Variants in TPTE2 observed in about 807,000 individuals in gnomAD.
TPTE2 encodes the protein phosphatidylinositol 3,4,5-trisphosphate 3-phosphatase TPTE2.
In TPTE2, 53 loss-of-function variants were observed where a neutral mutation model predicts 78.6. The observed-to-expected ratio is 0.67, with a 90% CI of 0.54 to 0.85. The LOEUF (loss-of-function observed/expected upper bound fraction) is 0.85, where lower values mean the gene tolerates loss of function less well. Among genes scored for constraint, TPTE2 ranks in the 40% least tolerant of loss-of-function variants. The pLI is 0.00. For missense variants in TPTE2, 461 were observed against 623.0 expected (o/e 0.74, Z 2.77); for synonymous variants, 175 against 206.2 (o/e 0.85, Z 1.30).
chr13:19,441,743 A>C (rs188560277), intron 13 of TPTE2, among the ~76,000 whole-genome samples: 210 of 152,346 alleles, frequency 1.4e-3, no homozygotes, highest in Non-Finnish European at 2.5e-3. Context: ...TAAAGCCTGG[A>C]ATTAAACAAA....
At chr13:19,469,109 T>C (rs1402540108) in intron 6 of TPTE2, among the ~76,000 whole-genome samples, 1 of 152,204 alleles carries the variant, frequency 6.6e-6, no homozygotes, top group Non-Finnish European at 1.5e-5. Context: ...ACCAATGTCC[T>C]GGAGATTCTT....
At position 19,476,238 on chromosome 13, in the gene TPTE2, A is replaced by T. The variant is rs1593382148; in HGVS notation, c.180-615T>A. On this transcript the variant is annotated intron_variant, in intron 4 of 19. Coordinates refer to ENST00000400230, the Ensembl canonical transcript of TPTE2. The stretch of plus-strand genomic sequence containing the variant: ...CCTTCCATTAATCAAAGGAAGGAGA[A>T]CCTGTTTGATAGAGCCTCCAATAAT... 5.3e-5 allele frequency among the ~76,000 whole-genome samples: 8 copies of T among 151,994 alleles called. No homozygotes were observed. The South Asian group carries it at 1.7e-3, about 32-fold the overall frequency.
At chr13:19,494,778 G>A (rs568387688) in intron 1 of TPTE2, among the ~76,000 whole-genome samples, 10 of 152,212 alleles carry the variant, frequency 6.6e-5, no homozygotes, top group South Asian at 2.1e-4. Context: ...CAGGGCATTC[G>A]GATCAGGACT....
At chr13:19,529,544 A>G (rs1870737367) in intron 1 of TPTE2, among the ~76,000 whole-genome samples, 2 of 152,192 alleles carry the variant, frequency 1.3e-5, no homozygotes, top group African/African-American at 4.8e-5. Context: ...TCGAACTCAG[A>G]AACTTCATTT....
chr13:19,469,539 TG>T (rs1879481416), intron 6 of TPTE2, among the ~76,000 whole-genome samples: 1 of 152,192 alleles, frequency 6.6e-6, no homozygotes, highest in Non-Finnish European at 1.5e-5. Context: ...ATTTTAAGAT[TG>T]TTTCTTCTAT....
At chr13:19,512,461 T>C (rs1260739404) in intron 1 of TPTE2, among the ~76,000 whole-genome samples, 2 of 152,262 alleles carry the variant, frequency 1.3e-5, no homozygotes, top group East Asian at 3.8e-4. Context: ...ATCATCTTCC[T>C]ATATCCCACT....
intron 9 of TPTE2, 98 bp downstream of exon 12, chr13:19,465,157 G>T (rs1427240798): frequency 1.9e-5 from 28 of 1,467,786 alleles, no homozygotes; most frequent in Non-Finnish European, 2.7e-5. Flanking sequence ...CAAGAATAAA[G>T]AATATTTTGA....
At chr13:19,468,793 T>G (rs1266035680) in intron 6 of TPTE2, among the ~76,000 whole-genome samples, 3 of 152,238 alleles carry the variant, frequency 2.0e-5, no homozygotes, top group African/African-American at 7.2e-5. Flanking sequence ...TCTCTTGATA[T>G]GCCTGTTTAC....
chr13:19,464,396 T>G lies in TPTE2; in HGVS notation c.741+60A>C, dbSNP rs542762555. On this transcript the variant is annotated intron_variant, in intron 10 of 19. Transcript: ENST00000400230. ...TGCCATATCTGGGTCAATATTAAAC[T>G]TATGACTACACAGTCTACATTCACT... The G allele has an allele frequency of 1.5e-3, 2,286 of 1,500,738 alleles. 3 individuals carry two copies. Among genetic ancestry groups the G allele is most frequent in the Non-Finnish European group, 1.9e-3 (2,038 of 1,091,256 alleles). The allele number at this position is 1,500,738 out of a possible 1,614,324, so 93.0% of individuals were successfully genotyped here. A position where few individuals can be genotyped will look rare whatever the true frequency, so the allele number is the denominator to read the frequency against.
At chr13:19,449,381 T>C (rs1878037866) in intron 13 of TPTE2, among the ~76,000 whole-genome samples, 1 of 152,072 alleles carries the variant, frequency 6.6e-6, no homozygotes, top group Non-Finnish European at 1.5e-5. Flanking sequence ...CACCATGTGA[T>C]CCACCTGCCT....
the TPTE2 span, among the ~76,000 whole-genome samples, chr13:19,544,058 C>A: frequency 4.7e-4 from 2 of 4,280 alleles, no homozygotes; most frequent in Non-Finnish European, 1.1e-3. Flanking sequence ...GAGAACCTGT[C>A]TCAAAAAAAA....
At chr13:19,482,930 AT>A (rs772253903) in intron 3 of TPTE2, among the ~76,000 whole-genome samples, 2 of 152,192 alleles carry the variant, frequency 1.3e-5, no homozygotes, top group Non-Finnish European at 2.9e-5. Context: ...CAAAAACTGC[AT>A]TAAGCAACTC....
intron 10 of TPTE2, among the ~76,000 whole-genome samples, chr13:19,452,487 A>G (rs1179126206): frequency 6.6e-6 from 1 of 152,128 alleles, no homozygotes; most frequent in Non-Finnish European, 1.5e-5. Context: ...CAACTTAAAT[A>G]TTACTCACTC....
the TPTE2 span, among the ~76,000 whole-genome samples, chr13:19,544,524 A>C: frequency 6.6e-6 from 1 of 152,252 alleles, no homozygotes; most frequent in African/African-American, 2.4e-5. Context: ...TTAAATAGAA[A>C]AAGGCTATGG....
chr13:19,449,363 TG>T (rs938294725), intron 13 of TPTE2, among the ~76,000 whole-genome samples: 44 of 152,194 alleles, frequency 2.9e-4, no homozygotes, highest in African/African-American at 1.0e-3. Flanking sequence ...TTAGTAGAGA[TG>T]GGGCTTCACC....
chr13:19,524,975 G>C (rs1207557766), intron 1 of TPTE2, among the ~76,000 whole-genome samples: 1 of 152,160 alleles, frequency 6.6e-6, no homozygotes, highest in East Asian at 1.9e-4. Context: ...TTATTTCATA[G>C]GCAATAGAGA....
At chr13:19,496,543 C>T (rs1328286734) in intron 1 of TPTE2, among the ~76,000 whole-genome samples, 2 of 152,206 alleles carry the variant, frequency 1.3e-5, no homozygotes, top group East Asian at 3.9e-4. Context: ...GGAAGGTCTG[C>T]ATCCAATGAG....
intron 7 of TPTE2, 31 bp downstream of exon 10, chr13:19,467,194 C>T: frequency 1.3e-6 from 2 of 1,543,908 alleles, no homozygotes; most frequent in Non-Finnish European, 1.7e-6. Context: ...TAATGAAAAA[C>T]TTTAAGAGAG....
chr13:19,475,722 A>G, intron 4 of TPTE2, 99 bp from the exon 8 acceptor site: 1 of 1,266,572 alleles, frequency 7.9e-7, no homozygotes, highest in Non-Finnish European at 1.1e-6. Flanking sequence ...TTAAAAGAAA[A>G]TTATTCAGAA....
Sources: gnomAD v4.1 joint callset for allele counts (sites outside exome capture counted in the v4.1 genomes callset) on GRCh38, gnomAD v4.1.1 for gene constraint, MANE v1.5 for transcripts, NCBI Gene and HGNC (gene_info 2026-07-23, HGNC 2026-07-21) for gene names.